GRIN2A: variants seen among roughly 807,000 people sequenced by gnomAD.
GRIN2A encodes the protein glutamate ionotropic receptor NMDA type subunit 2A.
Under a neutral mutation model 113.4 loss-of-function variants are expected in GRIN2A, and 22 were observed. The observed-to-expected ratio is 0.19, with a 90% confidence interval of 0.14 to 0.28. The LOEUF is 0.28. Among genes scored for constraint, GRIN2A ranks in the 10% least tolerant of loss-of-function variants. The pLI is 1.00. For missense variants in GRIN2A, 1,502 were observed against 1,887.0 expected (o/e 0.80, Z 3.78); for synonymous variants, 827 against 738.4 (o/e 1.12, Z -1.94).
chr16:9,904,164 A>G (rs1339385278), intron 3 of GRIN2A, among the ~76,000 whole-genome samples: 1 of 152,238 alleles, frequency 6.6e-6, no homozygotes, highest in African/African-American at 2.4e-5. Context: ...TCAGGCTGCT[A>G]TACCAAACTA....
intron 5 of GRIN2A, 123 bp from the exon 6 acceptor site, chr16:9,841,227 T>C (rs964288506): frequency 1.1e-5 from 9 of 804,386 alleles, no homozygotes; most frequent in Admixed American, 1.9e-5. Context: ...GAAGTGGCTT[T>C]CCCAAGGACA....
intron 4 of GRIN2A, among the ~76,000 whole-genome samples, chr16:9,856,481 CG>C (rs1567349755): frequency 6.6e-6 from 1 of 151,724 alleles, no homozygotes. Flanking sequence ...AAAAATTTGC[CG>C]GGCATGGTGG....
In GRIN2A at chr16:9,875,612, A is replaced by G. The variant is rs75874822; in HGVS notation, c.1122+15374T>C. On this transcript the variant is annotated intron_variant, in intron 4 of 12. Coordinates refer to ENST00000330684, the MANE Select transcript of GRIN2A (RefSeq NM_001134407.3). ...GGAAATAATAGAACAGAGACAATGG[A>G]AAGAAAGTGAGAAGCAGGCCCAGAC... Among the ~76,000 whole-genome samples the G allele has an allele frequency of 3.4e-3, 518 of 152,316 alleles. 3 individuals are homozygous for G. The highest frequency in any genetic ancestry group is 0.011 in the African/African-American group (477 of 41,568).
At chr16:9,839,130 T>C (rs563384091) in intron 7 of GRIN2A, among the ~76,000 whole-genome samples, 1 of 152,198 alleles carries the variant, frequency 6.6e-6, no homozygotes, top group South Asian at 2.1e-4. Flanking sequence ...CTTCCCTAAT[T>C]TGGGACAAAC....
intron 3 of GRIN2A, among the ~76,000 whole-genome samples, chr16:9,914,602 G>A (rs2044205887): frequency 2.0e-5 from 3 of 152,156 alleles, no homozygotes; most frequent in Admixed American, 2.0e-4. Flanking sequence ...TTTTGCTGTG[G>A]CTCAGAAGTT....
chr16:10,154,786 C>A (rs1031545076), intron 2 of GRIN2A, among the ~76,000 whole-genome samples: 2 of 152,082 alleles, frequency 1.3e-5, no homozygotes, highest in African/African-American at 2.4e-5. Context: ...ATGAGACAGA[C>A]AGAAATAGCA....
chr16:9,932,923 C>A (rs570184574), intron 3 of GRIN2A, among the ~76,000 whole-genome samples: 2 of 152,256 alleles, frequency 1.3e-5, no homozygotes, highest in East Asian at 3.9e-4. Flanking sequence ...CCACTGCCTC[C>A]CAGGGGGCCC....
intron 2 of GRIN2A, among the ~76,000 whole-genome samples, chr16:9,985,123 GC>G (rs1401176781): frequency 2.0e-5 from 3 of 152,038 alleles, no homozygotes; most frequent in Non-Finnish European, 4.4e-5. Context: ...TTCCTGATGT[GC>G]CCAACTCTCT....
chr16:10,157,950 T>C (rs2049734288), intron 2 of GRIN2A, among the ~76,000 whole-genome samples: 2 of 152,148 alleles, frequency 1.3e-5, no homozygotes, highest in Non-Finnish European at 2.9e-5. Context: ...GAAACTGGTT[T>C]TCATTATTGG....
intron 2 of GRIN2A, among the ~76,000 whole-genome samples, chr16:9,974,477 C>G (rs190063341): frequency 2.0e-5 from 3 of 152,158 alleles, no homozygotes; most frequent in African/African-American, 4.8e-5. Flanking sequence ...CAATCGATCA[C>G]GACCCTCTCA....
intron 2 of GRIN2A, among the ~76,000 whole-genome samples, chr16:10,034,906 C>T (rs2046997367): frequency 6.6e-6 from 1 of 152,250 alleles, no homozygotes; most frequent in Non-Finnish European, 1.5e-5. Flanking sequence ...CCAAATTACA[C>T]ATTGATACTT....
chr16:10,008,646 G>A (rs1268956790), intron 2 of GRIN2A, among the ~76,000 whole-genome samples: 1 of 152,180 alleles, frequency 6.6e-6, no homozygotes, highest in Non-Finnish European at 1.5e-5. Context: ...CACACTTTTA[G>A]GCAGAGATCT....
intron 4 of GRIN2A, among the ~76,000 whole-genome samples, chr16:9,854,139 G>C (rs2042929497): frequency 6.6e-6 from 1 of 152,056 alleles, no homozygotes; most frequent in African/African-American, 2.4e-5. Flanking sequence ...TAAACATACA[G>C]CCTGTATTTT....
At chr16:10,055,116 A>T (rs1401049881) in intron 2 of GRIN2A, among the ~76,000 whole-genome samples, 1 of 146,974 alleles carries the variant, frequency 6.8e-6, no homozygotes, top group African/African-American at 2.5e-5. Flanking sequence ...AAAAAAGAAA[A>T]AAAAAACAGT....
At chr16:10,112,471 T>A in intron 2 of GRIN2A, 1 of 864,942 alleles carries the variant, frequency 1.2e-6, no homozygotes, top group East Asian at 2.4e-5. Flanking sequence ...ATAGCCGATG[T>A]GGCATCCAGA....
intron 10 of GRIN2A, among the ~76,000 whole-genome samples, chr16:9,818,498 A>C (rs1050769709): frequency 2.0e-5 from 3 of 152,168 alleles, no homozygotes; most frequent in Non-Finnish European, 2.9e-5. Context: ...CATGGAAAAA[A>C]AAAAGCAAGC....
intron 2 of GRIN2A, among the ~76,000 whole-genome samples, chr16:10,161,390 T>G (rs1479236071): frequency 6.6e-6 from 1 of 152,208 alleles, no homozygotes; most frequent in Non-Finnish European, 1.5e-5. Flanking sequence ...TCATTAGCAG[T>G]GTGAGAACGA....
At chr16:10,068,373 C>T (rs1228546939) in intron 2 of GRIN2A, among the ~76,000 whole-genome samples, 2 of 152,194 alleles carry the variant, frequency 1.3e-5, no homozygotes, top group Non-Finnish European at 2.9e-5. Flanking sequence ...CTGGCATCTG[C>T]CTGGCTTCTG....
chr16:10,028,421 C>T (rs1223926216), intron 2 of GRIN2A, among the ~76,000 whole-genome samples: 1 of 152,194 alleles, frequency 6.6e-6, no homozygotes, highest in Non-Finnish European at 1.5e-5. Context: ...GGACACTTCC[C>T]AGCACCTCTG....
Sources: gnomAD v4.1 joint callset for allele counts (sites outside exome capture counted in the v4.1 genomes callset) on GRCh38, gnomAD v4.1.1 for gene constraint, MANE v1.5 for transcripts, NCBI Gene and HGNC (gene_info 2026-07-23, HGNC 2026-07-21) for gene names.